Variants in FAM162A observed in about 807,000 individuals in gnomAD.
The protein encoded by FAM162A is family with sequence similarity 162 member A.
In FAM162A, 23 loss-of-function variants were observed where a neutral mutation model predicts 21.8. The observed-to-expected ratio is 1.05, with a 90% CI of 0.76 to 1.49. The LOEUF (loss-of-function observed/expected upper bound fraction) is 1.49. Ranked by LOEUF, FAM162A falls within the 40% of genes most tolerant of loss-of-function variation. The probability of loss-of-function intolerance (pLI) is 0.00; values close to 1 mark genes in which losing one functional copy is unlikely to be tolerated. For missense variants in FAM162A, 165 were observed against 186.4 expected, an observed-to-expected ratio of 0.89 and a Z score of 0.67; for synonymous variants, 53 against 61.3, an observed-to-expected ratio of 0.86 and a Z score of 0.64.
At chr3:122,389,268 G>C (rs1373606048) in intron 1 of FAM162A, among the ~76,000 whole-genome samples, 2 of 152,152 alleles carry the variant, frequency 1.3e-5, no homozygotes, top group East Asian at 3.8e-4. Flanking sequence ...TGAATGCTTT[G>C]TCCAACATAG....
At chr3:122,408,242 TA>T (rs942259469) in intron 4 of FAM162A, among the ~76,000 whole-genome samples, 19 of 152,216 alleles carry the variant, frequency 1.2e-4, no homozygotes, top group African/African-American at 4.6e-4. Context: ...AGTGGCAAGA[TA>T]AAAATCTAGA....
chr3:122,387,532 T>C (rs1402742625), intron 1 of FAM162A, among the ~76,000 whole-genome samples: 1 of 152,216 alleles, frequency 6.6e-6, no homozygotes, highest in Non-Finnish European at 1.5e-5. Flanking sequence ...ACCTGGGACA[T>C]AGCCAGTATC....
chr3:122,396,122 G>A (rs1413604405), intron 1 of FAM162A, among the ~76,000 whole-genome samples: 2 of 152,018 alleles, frequency 1.3e-5, no homozygotes, highest in African/African-American at 2.4e-5. Flanking sequence ...TTGTGATATC[G>A]TATATGGCAC....
chr3:122,399,855 G>C (rs917671991), intron 1 of FAM162A, among the ~76,000 whole-genome samples: 2 of 152,120 alleles, frequency 1.3e-5, no homozygotes, highest in African/African-American at 4.8e-5. Flanking sequence ...TGTAATCCCA[G>C]CACTTTGGGA....
chr3:122,411,617 G>A lies in FAM162A; in HGVS notation c.*1786G>A, dbSNP rs532825334. 6.6e-6 allele frequency: 1 copy of A among 150,954 alleles called. No homozygotes were observed. Among genetic ancestry groups the A allele is most frequent in the Non-Finnish European group, 1.5e-5 (1 of 67,888 alleles). 9.4% of individuals were successfully genotyped at this position (150,954 alleles called of 1,614,324 possible). A position where few individuals can be genotyped will look rare whatever the true frequency, so the allele number is the denominator to read the frequency against. On this transcript the variant is annotated 3_prime_UTR_variant, in exon 5 of 5. Transcript: ENST00000477892. ...TCGCCCAGGCTAGAGTGCAGGGCAT[G>A]ATCTCAGCTCACTGCAACCTCCGTC...
intron 1 of FAM162A, among the ~76,000 whole-genome samples, chr3:122,390,219 A>G (rs191045001): frequency 7.3e-4 from 111 of 152,302 alleles, no homozygotes; most frequent in Non-Finnish European, 1.5e-3. Context: ...GAAAATAAGG[A>G]TAAGTTTGGT....
At position 122,410,173 on chromosome 3, in the gene FAM162A, G is replaced by C. The variant is rs1576255081; in HGVS notation, c.*342G>C. On this transcript the variant is annotated 3_prime_UTR_variant, in exon 5 of 5. Coordinates refer to ENST00000477892, the MANE Select transcript of FAM162A (RefSeq NM_014367.4). ...TCCACAGGCGAACTCATTTTGAGGAGATAAGGAAGGCCAGTTGAGTATATG... is the reference window on the plus strand; with the variant it reads ...TCCACAGGCGAACTCATTTTGAGGACATAAGGAAGGCCAGTTGAGTATATG... 2 of 354,312 alleles carry C rather than the reference G, an allele frequency of 5.6e-6. No homozygotes were observed. The highest frequency in any genetic ancestry group is 1.5e-4 in the East Asian group (2 of 13,384). The allele number at this position is 354,312 out of a possible 1,614,324, so 21.9% of individuals were successfully genotyped here. A position where few individuals can be genotyped will look rare whatever the true frequency, so the allele number is the denominator to read the frequency against.
chr3:122,387,870 G>T (rs1211268391), intron 1 of FAM162A, among the ~76,000 whole-genome samples: 1 of 152,092 alleles, frequency 6.6e-6, no homozygotes, highest in African/African-American at 2.4e-5. Context: ...AGGGGTGTGA[G>T]AGTGATGTGA....
chr3:122,408,415 A>C (rs2075686615), intron 4 of FAM162A, among the ~76,000 whole-genome samples: 1 of 152,264 alleles, frequency 6.6e-6, no homozygotes, highest in Admixed American at 6.5e-5. Flanking sequence ...AACTACTTTA[A>C]GATACTAAAA....
intron 1 of FAM162A, among the ~76,000 whole-genome samples, chr3:122,396,138 G>A (rs2075626218): frequency 6.6e-6 from 1 of 152,024 alleles, no homozygotes; most frequent in African/African-American, 2.4e-5. Context: ...GGCACCAAAA[G>A]CTCAAGCAAT....
At chr3:122,398,766 C>A (rs1233162100) in intron 1 of FAM162A, among the ~76,000 whole-genome samples, 1 of 152,010 alleles carries the variant, frequency 6.6e-6, no homozygotes, top group Admixed American at 6.6e-5. Context: ...AGGATTTGAT[C>A]ATAATATACT....
In FAM162A at chr3:122,384,191, C is replaced by T; in HGVS notation, c.-75C>T. ...CGCCTGCGTCCTTCCCACTCCAACG[C>T]TGGGTGACATTGAGCTCACCAGCGC... On this transcript the variant is annotated 5_prime_UTR_variant, in exon 1 of 5. Transcript: ENST00000477892. 5.2e-6 allele frequency: 8 copies of T among 1,540,112 alleles called. No individual in the cohort carries two copies. Among genetic ancestry groups the T allele is most frequent in the Non-Finnish European group, 7.0e-6 (8 of 1,138,586 alleles).
At chr3:122,385,383 T>C (rs1013215077) in intron 1 of FAM162A, among the ~76,000 whole-genome samples, 13 of 152,202 alleles carry the variant, frequency 8.5e-5, no homozygotes, top group African/African-American at 2.7e-4. Flanking sequence ...CTCAATACTA[T>C]GATTTCATTG....
Position 122,410,972 on chromosome 3 carries a change from T to C in FAM162A, c.*1141T>C, listed in dbSNP as rs2075702148. On this transcript the variant is annotated 3_prime_UTR_variant, in exon 5 of 5. Coordinates refer to ENST00000477892, the MANE Select transcript of FAM162A (RefSeq NM_014367.4). ...CTCTTATTTAATAATTGCCTCAAAG[T>C]GCATTGTGCTGTGCCTAATTTATAA... The C allele has an allele frequency of 6.6e-6, 1 of 152,194 alleles. No individual in the cohort carries two copies. Among genetic ancestry groups the C allele is most frequent in the South Asian group, 2.1e-4 (1 of 4,828 alleles). The allele number at this position is 152,194 out of a possible 1,614,324, so 9.4% of individuals were successfully genotyped here.
At chr3:122,391,744 C>G (rs754525656) in intron 1 of FAM162A, among the ~76,000 whole-genome samples, 158 of 152,184 alleles carry the variant, frequency 1.0e-3, no homozygotes, top group Non-Finnish European at 1.6e-3. Context: ...CTTTTAGGGT[C>G]TTTGCATTTA....
intron 1 of FAM162A, among the ~76,000 whole-genome samples, chr3:122,392,370 G>T (rs2075607682): frequency 6.6e-6 from 1 of 152,202 alleles, no homozygotes; most frequent in African/African-American, 2.4e-5. Context: ...TAAACCAGTG[G>T]TTCTCTGGGG....
intron 2 of FAM162A, among the ~76,000 whole-genome samples, chr3:122,403,489 C>T (rs913725373): frequency 8.5e-5 from 13 of 152,114 alleles, no homozygotes; most frequent in African/African-American, 2.7e-4. Context: ...TAAGCAGGGC[C>T]TTCTCCTTAT....
chr3:122,404,607 A>AT (rs1186128214), intron 3 of FAM162A, among the ~76,000 whole-genome samples: 1 of 152,226 alleles, frequency 6.6e-6, no homozygotes. Flanking sequence ...AAGTCAATTG[A>AT]TTATTTGATT....
rs878947879 is a variant in FAM162A at position 122,407,685 on chromosome 3, G to C, written c.372+296G>C. The C allele has an allele frequency of 9.0e-6, 4 of 442,480 alleles. No individual in the cohort carries two copies. In the South Asian group the frequency reaches 2.2e-4, roughly 24 times the overall value. 27.4% of individuals were successfully genotyped at this position (442,480 alleles called of 1,614,324 possible). On this transcript the variant is annotated intron_variant, in intron 4 of 4. Coordinates refer to ENST00000477892, the MANE Select transcript of FAM162A (RefSeq NM_014367.4). ...TGTCATAATGTAAATTAAGAAATAGGACACTGGCATATTTAATCACCCACT... is the reference window on the plus strand; with the variant it reads ...TGTCATAATGTAAATTAAGAAATAGCACACTGGCATATTTAATCACCCACT...
Sources: gnomAD v4.1 joint callset for allele counts (sites outside exome capture counted in the v4.1 genomes callset) on GRCh38, gnomAD v4.1.1 for gene constraint, MANE v1.5 for transcripts, NCBI Gene and HGNC (gene_info 2026-07-23, HGNC 2026-07-21) for gene names.